DNAH2: variants seen among roughly 807,000 people sequenced by gnomAD.
DNAH2 encodes the protein dynein axonemal heavy chain 2.
DNAH2 carries 323 observed loss-of-function variants against 523.5 expected under a neutral mutation model. The ratio of observed to expected loss-of-function variants is 0.62; its 90% CI spans 0.56 to 0.68. DNAH2 has a LOEUF of 0.68. DNAH2 is among the 30% of genes least tolerant of loss of function. DNAH2 has a pLI of 0.00. For missense variants in DNAH2, 4,907 were observed against 5,701.5 expected (o/e 0.86, Z 4.49); for synonymous variants, 2,093 against 2,177.4 (o/e 0.96, Z 1.08).
chr17:7,728,462 C>G (rs188175395), intron 4 of DNAH2, among the ~76,000 whole-genome samples: 1 of 152,236 alleles, frequency 6.6e-6, no homozygotes, highest in Non-Finnish European at 1.5e-5. Context: ...GGCAGAAGAA[C>G]TTTTGCCCTG....
Position 7,786,469 on chromosome 17 carries a change from C to G in DNAH2, c.6349-101C>G, listed in dbSNP as rs995693441. ...TACCTGGGACCATGGTGGCCTGGAG[C>G]GATGAGAGAAGGGACAAATGCACGT... is the stretch of plus-strand genomic sequence containing the variant. On this transcript the variant is annotated intron_variant, in intron 40 of 85. Transcript: ENST00000572933. The surrounding 1 kb of genome is among the most constrained non-coding windows in gnomAD (Gnocchi z 7.5). 7 of 1,464,644 alleles carry G rather than the reference C, an allele frequency of 4.8e-6. No homozygotes were observed. In the African/African-American group the frequency reaches 9.7e-5, roughly 20 times the overall value. 90.7% of individuals were successfully genotyped at this position (1,464,644 alleles called of 1,614,324 possible).
rs2075769822 is a variant in DNAH2, at chr17:7,754,163, G to C, written c.1905-2928G>C. Among the ~76,000 whole-genome samples the C allele has an allele frequency of 6.6e-6, 1 of 152,104 alleles. No individual in the cohort carries two copies. Reference sequence around the variant, plus strand: ...CTTTAAAGCAGGCAGGCCGTGAAGGGGAGGACAGGATATGGCACCTGAAGA... The same window carrying C: ...CTTTAAAGCAGGCAGGCCGTGAAGGCGAGGACAGGATATGGCACCTGAAGA... On this transcript the variant is annotated intron_variant, in intron 12 of 85. Coordinates refer to ENST00000572933, the MANE Select transcript of DNAH2 (RefSeq NM_020877.5). The surrounding 1 kb of genome is among the most constrained non-coding windows in gnomAD (Gnocchi z 4.6).
At chr17:7,752,634 T>A (rs1436926576) in intron 12 of DNAH2, among the ~76,000 whole-genome samples, 1 of 151,948 alleles carries the variant, frequency 6.6e-6, no homozygotes, top group Admixed American at 6.6e-5. Context: ...GGCGTGAACC[T>A]GGGAGGCAGA....
At chr17:7,795,664 T>TATAA (rs1555563797) in intron 49 of DNAH2, among the ~76,000 whole-genome samples, 40 of 145,412 alleles carry the variant, frequency 2.8e-4, no homozygotes, top group East Asian at 1.8e-3. Flanking sequence ...TATATATATA[T>TATAA]AATATTTATA....
Position 7,760,588 on chromosome 17 carries a change from C to CG in DNAH2, c.2786-152_2786-151insG. The CG allele has an allele frequency of 1.4e-6, 1 of 694,096 alleles. No individual in the cohort carries two copies. The highest frequency in any genetic ancestry group is 2.4e-6 in the Non-Finnish European group (1 of 413,066). The allele number at this position is 694,096 out of a possible 1,614,324, so 43.0% of individuals were successfully genotyped here. ...CTAAGAGTCACATTTTCACTTTCTG[C>CG]CTACTCCTTTACCTTCTAATGTGCA... On this transcript the variant is annotated intron_variant, in intron 17 of 85. Coordinates refer to ENST00000572933, the MANE Select transcript of DNAH2 (RefSeq NM_020877.5). The surrounding 1 kb of genome is among the most constrained non-coding windows in gnomAD (Gnocchi z 4.0).
intron 48 of DNAH2, among the ~76,000 whole-genome samples, chr17:7,793,479 CTT>C (rs1229592455): frequency 1.5e-5 from 2 of 133,864 alleles, no homozygotes; most frequent in Non-Finnish European, 3.4e-5. Context: ...TTCTTTCTTT[CTT>C]TCTTTCTTTC....
Position 7,719,748 on chromosome 17 carries a change from C to T in DNAH2, c.14C>T (p.Ala5Val), listed in dbSNP as rs1341006710. The change falls in exon 2 of 86, where the codon GCT becomes GTT. Residue 5 changes from alanine (A) to valine (V), a missense_variant. Around this residue, in one of 3 missense-constraint regions of DNAH2, gnomAD observed 2,806 missense variants for 3,190.8 expected, o/e 0.88. Coordinates refer to ENST00000572933, the MANE Select transcript of DNAH2 (RefSeq NM_020877.5). ...TTTGCCTGCACGATGTCCAGCAAAG[C>T]TGAGAAGAAGCAGCGATTGAGTGGC... MSSK[A>V]EKKQRLSGRG... The T allele has an allele frequency of 6.2e-7, 1 of 1,614,200 alleles. No homozygotes were observed. The highest frequency in any genetic ancestry group is 1.7e-5 in the Admixed American group (1 of 60,028).
In DNAH2 at chr17:7,764,204, G is replaced by A. The variant is rs375299889; in HGVS notation, c.3267G>A (p.Glu1089=). 17 of 1,614,012 alleles carry A rather than the reference G, an allele frequency of 1.1e-5. No individual in the cohort carries two copies. The highest frequency in any genetic ancestry group is 1.4e-5 in the Non-Finnish European group (16 of 1,180,040). ...DALKHDLANV[E]TQIPPIHEQF... ...TGAAGCACGACTTGGCCAACGTGGA[G>A]ACTCAGATCCCTCCCATACACGAGC... is the stretch of plus-strand genomic sequence containing the variant. The change falls in exon 20 of 86, where the codon GAG becomes GAA. Residue 1089 remains glutamate, a synonymous_variant. Coordinates refer to ENST00000572933, the MANE Select transcript of DNAH2 (RefSeq NM_020877.5).
chr17:7,822,622 CTTAT>C (rs146961634), intron 73 of DNAH2, among the ~76,000 whole-genome samples: 3,095 of 152,044 alleles, frequency 0.02, 37 homozygotes, highest in Middle Eastern at 0.082. Context: ...AGATAATTTA[CTTAT>C]TTGTTATGTT....
Position 7,823,892 on chromosome 17 carries a change from C to T in DNAH2, c.11388C>T (p.Arg3796=). The change falls in exon 75 of 86, where the codon CGC becomes CGT. Residue 3796 remains arginine (R), a synonymous_variant. Coordinates refer to ENST00000572933, the MANE Select transcript of DNAH2 (RefSeq NM_020877.5). ...MQRMLIVRSL[R]QDRVAFCVTS... is the part of the protein sequence containing the mutation. ...GGATGCTGATCGTTCGCTCCCTGCGCCAGGACCGCGTGGCCTTCTGCGTGA... is the reference window on the plus strand; with the variant it reads ...GGATGCTGATCGTTCGCTCCCTGCGTCAGGACCGCGTGGCCTTCTGCGTGA... The T allele has an allele frequency of 1.2e-6, 2 of 1,614,170 alleles. No individual in the cohort carries two copies. Among genetic ancestry groups the T allele is most frequent in the Non-Finnish European group, 8.5e-7 (1 of 1,180,050 alleles).
In DNAH2 at chr17:7,804,255, G is replaced by C. The variant is rs1567727479; in HGVS notation, c.8973-1G>C. 6.2e-7 allele frequency: 1 copy of C among 1,613,986 alleles called. No individual in the cohort carries two copies. The highest frequency in any genetic ancestry group is 1.1e-5 in the South Asian group (1 of 91,082). On this transcript the variant is annotated splice_acceptor_variant, in intron 58 of 85. Coordinates refer to ENST00000572933, the MANE Select transcript of DNAH2 (RefSeq NM_020877.5). LOFTEE classifies it high-confidence loss of function. Reference sequence around the variant, plus strand: ...ACACCCTGTCCTATTCTTTCCCCCAGGTTGCTGGGAGAAAAACGGCAGGAG... The same window carrying C: ...ACACCCTGTCCTATTCTTTCCCCCACGTTGCTGGGAGAAAAACGGCAGGAG...
chr17:7,800,618 G>C (rs1258331928), intron 56 of DNAH2, among the ~76,000 whole-genome samples: 2 of 150,732 alleles, frequency 1.3e-5, no homozygotes, highest in Non-Finnish European at 3.0e-5. Context: ...TGTTATCCCA[G>C]CACTTTGGGA....
In DNAH2 at chr17:7,817,834, T is replaced by C. The variant is rs1415152857; in HGVS notation, c.10214T>C (p.Ile3405Thr). 1.9e-6 allele frequency: 3 copies of C among 1,613,980 alleles called. No individual in the cohort carries two copies. The highest frequency in any genetic ancestry group is 2.2e-5 in the East Asian group (1 of 44,862). Residue 3405 changes from isoleucine to threonine, a missense_variant, in exon 67 of 86, where the codon ATT becomes ACT. Ile to Thr is a moderately conservative substitution (Grantham distance 89, BLOSUM62 -1). Coordinates refer to ENST00000572933, the MANE Select transcript of DNAH2 (RefSeq NM_020877.5). ...IDPQAQALKW[I>T]KNMEGGQGLK... The stretch of plus-strand genomic sequence containing the variant: ...CCTCAGGCCCAGGCCCTGAAATGGA[T>C]TAAGAACATGGAAGGAGGCCAGGTG...
chr17:7,773,124 T>G (rs537371871), intron 28 of DNAH2, among the ~76,000 whole-genome samples: 22 of 152,074 alleles, frequency 1.4e-4, no homozygotes, highest in Non-Finnish European at 2.8e-4. Context: ...CACAAAAAGG[T>G]CAAAACTCAG....
Position 7,759,069 on chromosome 17 carries a change from AT to A in DNAH2, c.2394del (p.Asp798GlufsTer3). 2 of 1,614,170 alleles carry A rather than the reference AT, an allele frequency of 1.2e-6. No homozygotes were observed. The highest frequency in any genetic ancestry group is 1.7e-6 in the Non-Finnish European group (2 of 1,180,038). ...CAGAAATTGATGAACCTGCACCAGGATGTGGTGACCATCATGACCAACTCCT... is the reference window on the plus strand; with the variant it reads ...CAGAAATTGATGAACCTGCACCAGGAGTGGTGACCATCATGACCAACTCCT... ...VQQKLMNLHQ[D>X]VVTIMTNSYE... is the part of the protein sequence containing the mutation. On this transcript the variant is annotated frameshift_variant, in exon 15 of 86. Coordinates refer to ENST00000572933, the MANE Select transcript of DNAH2 (RefSeq NM_020877.5). LOFTEE classifies it high-confidence loss of function.
intron 13 of DNAH2, 129 bp from the exon 14 acceptor site, chr17:7,758,366 A>C: frequency 7.5e-6 from 9 of 1,202,662 alleles, no homozygotes; most frequent in Non-Finnish European, 1.0e-5. Flanking sequence ...TGGAAGTACT[A>C]GTCTAGAATC....
Position 7,778,412 on chromosome 17 carries a change from C to T in DNAH2, c.5484C>T (p.Asn1828=), listed in dbSNP as rs1396786924. The change falls in exon 35 of 86, where the codon AAC becomes AAT. Residue 1828 remains asparagine (N), a synonymous_variant. Coordinates refer to ENST00000572933, the MANE Select transcript of DNAH2 (RefSeq NM_020877.5). ...TGGGCATATATGTCATTGTGGTCAA[C>T]TGCTCTGAGGGCCTGGACTACAAGT... ...KALGIYVIVV[N]CSEGLDYKSM... 4 of 1,614,246 alleles carry T rather than the reference C, an allele frequency of 2.5e-6. No homozygotes were observed. The African/African-American group carries it at 5.3e-5, about 22-fold the overall frequency.
intron 77 of DNAH2, among the ~76,000 whole-genome samples, chr17:7,829,396 C>T (rs2078107087): frequency 2.0e-5 from 3 of 152,282 alleles, no homozygotes; most frequent in South Asian, 2.1e-4. Flanking sequence ...TTCAGCCAGG[C>T]TCACCCTGTC....
Position 7,824,192 on chromosome 17 carries a change from C to T in DNAH2, c.11550C>T (p.Ala3850=). 3.7e-6 allele frequency: 6 copies of T among 1,605,802 alleles called. No individual in the cohort carries two copies. Among genetic ancestry groups the T allele is most frequent in the Non-Finnish European group, 5.1e-6 (6 of 1,177,822 alleles). The change falls in exon 76 of 86, where the codon GCC becomes GCT. Residue 3850 remains alanine, a synonymous_variant. Transcript: ENST00000572933. ...CCCCTGGTGTGGACCCCACCAGTGC[C>T]CTGCTGCAGCTGGCAGAGCACATGG... The part of the protein sequence containing the change: ...ILSPGVDPTS[A]LLQLAEHMGM...
Sources: gnomAD v4.1 joint callset for allele counts (sites outside exome capture counted in the v4.1 genomes callset) on GRCh38, gnomAD v4.1.1 for gene constraint, gnomAD v4.1.1 regional missense constraint, Gnocchi (gnomAD v3.1) non-coding constraint, MANE v1.5 for transcripts, NCBI Gene and HGNC (gene_info 2026-07-23, HGNC 2026-07-21) for gene names.